Variants in RNF150 observed in about 807,000 individuals in gnomAD.
The protein encoded by RNF150 is ring finger protein 150.
A neutral mutation model predicts 39.3 loss-of-function variants in RNF150; 24 were observed. That is an observed-to-expected ratio of 0.61 (90% CI 0.44 to 0.86). The LOEUF (loss-of-function observed/expected upper bound fraction) is 0.86, where lower values mean the gene tolerates loss of function less well. Ranked by LOEUF, RNF150 falls within the 40% of genes least tolerant of loss-of-function variation. RNF150 has a pLI of 0.00. For synonymous variants in RNF150, 255 were observed against 227.3 expected, an observed-to-expected ratio of 1.12 and a Z score of -1.10; for missense variants, 502 against 587.8, an observed-to-expected ratio of 0.85 and a Z score of 1.51.
At chr4:141,142,530 A>G (rs879720369) in intron 1 of RNF150, among the ~76,000 whole-genome samples, 4 of 152,200 alleles carry the variant, frequency 2.6e-5, no homozygotes, top group Non-Finnish European at 4.4e-5. Context: ...AACATTGGCT[A>G]TCGTAGTTGT....
chr4:140,883,239 A>T (rs758949931), intron 6 of RNF150, among the ~76,000 whole-genome samples: 1 of 152,186 alleles, frequency 6.6e-6, no homozygotes, highest in African/African-American at 2.4e-5. Context: ...CCATTAAAGT[A>T]GTTTTTTTCA....
intron 1 of RNF150, among the ~76,000 whole-genome samples, chr4:141,005,403 C>T (rs1734827677): frequency 6.6e-6 from 1 of 151,980 alleles, no homozygotes; most frequent in African/African-American, 2.4e-5. Flanking sequence ...TTGAGGAATT[C>T]CATATTCGGT....
At chr4:141,172,069 G>A (rs1298984528) in intron 1 of RNF150, among the ~76,000 whole-genome samples, 3 of 152,104 alleles carry the variant, frequency 2.0e-5, no homozygotes, top group Non-Finnish European at 4.4e-5. Flanking sequence ...CTCTAGAAAA[G>A]CACCACAAAA....
At chr4:141,209,620 T>G (rs1403747401) in intron 1 of RNF150, among the ~76,000 whole-genome samples, 1 of 152,314 alleles carries the variant, frequency 6.6e-6, no homozygotes, top group East Asian at 1.9e-4. Context: ...ATTCATATCC[T>G]TTGCCCATTT....
intron 1 of RNF150, among the ~76,000 whole-genome samples, chr4:141,199,100 GCAAA>G (rs1287475127): frequency 6.6e-6 from 1 of 152,256 alleles, no homozygotes; most frequent in Non-Finnish European, 1.5e-5. Context: ...AGTATGAATA[GCAAA>G]CAAACACTTG....
rs58338048 is a variant in RNF150 at position 140,878,164 on chromosome 4, GTTTTTTTTTTTTT to G, written c.1199-9798_1199-9786del. Among the ~76,000 whole-genome samples, 798 of 90,520 alleles carry G rather than the reference GTTTTTTTTTTTTT, an allele frequency of 8.8e-3. 10 individuals are homozygous for G. The highest frequency in any genetic ancestry group is 0.029 in the African/African-American group (732 of 25,334). The allele number at this position is 90,520 out of a possible 152,430, so 59.4% of individuals were successfully genotyped here. ...ACAGGTTAAGGTGATATCTCATTGT[GTTTTTTTTTTTTT>G]TTTTTTTTCAACAGAATCTTGTTTT... is the stretch of plus-strand genomic sequence containing the variant. On this transcript the variant is annotated intron_variant, in intron 6 of 6. Coordinates refer to ENST00000515673, the MANE Select transcript of RNF150 (RefSeq NM_020724.2).
chr4:141,100,098 G>A (rs1236245502), intron 1 of RNF150, among the ~76,000 whole-genome samples: 2 of 152,124 alleles, frequency 1.3e-5, no homozygotes, highest in Non-Finnish European at 2.9e-5. Flanking sequence ...TACTTTTATA[G>A]GACTAGGTTA....
chr4:140,920,012 C>A (rs1315089133), intron 5 of RNF150, among the ~76,000 whole-genome samples: 5 of 152,110 alleles, frequency 3.3e-5, no homozygotes, highest in African/African-American at 1.2e-4. Flanking sequence ...GGATCCCTTC[C>A]TTACGTCGTA....
In RNF150 at chr4:140,971,172, T is replaced by G. The variant is rs1317897109; in HGVS notation, c.485-3299A>C. On this transcript the variant is annotated intron_variant, in intron 1 of 6. Coordinates refer to ENST00000515673, the MANE Select transcript of RNF150 (RefSeq NM_020724.2). ...CAAATTCCCTGATCTTTGCTTCATT[T>G]TGGAATCTGCAGCTACAGTTTCAGG... Among the ~76,000 whole-genome samples the G allele has an allele frequency of 3.3e-5, 5 of 152,136 alleles. No homozygotes were observed. The East Asian group carries it at 9.7e-4, about 29-fold the overall frequency.
intron 1 of RNF150, among the ~76,000 whole-genome samples, chr4:141,156,673 C>T (rs1389762540): frequency 2.7e-5 from 4 of 149,406 alleles, no homozygotes; most frequent in Non-Finnish European, 3.0e-5. Flanking sequence ...GTGGGCAGAT[C>T]GCCTGAGATC....
chr4:141,110,539 C>T (rs1000081765), intron 1 of RNF150, among the ~76,000 whole-genome samples: 4 of 151,760 alleles, frequency 2.6e-5, no homozygotes, highest in African/African-American at 7.3e-5. Flanking sequence ...GATCTTCCCA[C>T]GTAGCTTGGG....
At chr4:140,936,160 C>G (rs189756586) in intron 4 of RNF150, among the ~76,000 whole-genome samples, 2 of 152,146 alleles carry the variant, frequency 1.3e-5, no homozygotes, top group East Asian at 3.9e-4. Flanking sequence ...TGGGTGTACC[C>G]CAATTTGTTT....
chr4:140,911,961 T>C, intron 5 of RNF150, among the ~76,000 whole-genome samples: 1 of 152,224 alleles, frequency 6.6e-6, no homozygotes, highest in East Asian at 1.9e-4. Flanking sequence ...GTATTGATCA[T>C]ACATTAGTCA....
chr4:141,192,137 C>G (rs1728120525), intron 1 of RNF150, among the ~76,000 whole-genome samples: 1 of 152,182 alleles, frequency 6.6e-6, no homozygotes, highest in African/African-American at 2.4e-5. Context: ...GAATTTAGAA[C>G]ATACTAACTT....
At chr4:141,089,776 C>A (rs983350045) in intron 1 of RNF150, among the ~76,000 whole-genome samples, 7 of 152,140 alleles carry the variant, frequency 4.6e-5, no homozygotes, top group Non-Finnish European at 1.0e-4. Context: ...AAATTATACC[C>A]AGAATATTTT....
chr4:140,962,065 T>TCTCTTCTC (rs142561257), intron 2 of RNF150, among the ~76,000 whole-genome samples: 34 of 149,196 alleles, frequency 2.3e-4, no homozygotes, highest in African/African-American at 8.1e-4. Flanking sequence ...TCTCTCTCTC[T>TCTCTTCTC]TCTCTCTCTC....
chr4:140,899,968 C>CTGTGTG (rs1216982458), intron 6 of RNF150, among the ~76,000 whole-genome samples: 1 of 117,272 alleles, frequency 8.5e-6, no homozygotes, highest in African/African-American at 3.3e-5. Flanking sequence ...CTCTCTCTCT[C>CTGTGTG]TCTCTCTGTG....
intron 1 of RNF150, among the ~76,000 whole-genome samples, chr4:141,154,449 A>G (rs1426770483): frequency 6.6e-6 from 1 of 152,168 alleles, no homozygotes; most frequent in Non-Finnish European, 1.5e-5. Context: ...ACTTCTCACA[A>G]TTTGTTGGGT....
chr4:140,945,870 GA>G (rs1208811310), intron 4 of RNF150, among the ~76,000 whole-genome samples: 1 of 151,500 alleles, frequency 6.6e-6, no homozygotes, highest in East Asian at 1.9e-4. Flanking sequence ...TAATCTTCAA[GA>G]AAAAAATAAA....
Sources: gnomAD v4.1 joint callset for allele counts (sites outside exome capture counted in the v4.1 genomes callset) on GRCh38, gnomAD v4.1.1 for gene constraint, MANE v1.5 for transcripts, NCBI Gene and HGNC (gene_info 2026-07-23, HGNC 2026-07-21) for gene names.